Variants in EIF4E3 observed in about 807,000 individuals in gnomAD.
The protein encoded by EIF4E3 is eukaryotic translation initiation factor 4E family member 3.
Under a neutral mutation model 31.7 loss-of-function variants are expected in EIF4E3, and 26 were observed. The ratio of observed to expected loss-of-function variants is 0.82; its 90% CI spans 0.60 to 1.14. The LOEUF (loss-of-function observed/expected upper bound fraction) is 1.14, where lower values mean the gene tolerates loss of function less well. Among genes scored for constraint, EIF4E3 ranks in the 50% most tolerant of loss-of-function variants. The probability of loss-of-function intolerance (pLI) is 0.00; values close to 1 mark genes in which losing one functional copy is unlikely to be tolerated. For synonymous variants in EIF4E3, 128 were observed against 107.7 expected (o/e 1.19, Z -1.17); for missense variants, 304 against 270.9 (o/e 1.12, Z -0.86).
chr3:71,700,459 A>G (rs1182604821), intron 2 of EIF4E3, among the ~76,000 whole-genome samples: 1 of 151,958 alleles, frequency 6.6e-6, no homozygotes, highest in Non-Finnish European at 1.5e-5. Context: ...CTAAAAATAC[A>G]AAAAATTAGC....
chr3:71,712,635 T>TGGGG (rs760932981), intron 1 of EIF4E3, among the ~76,000 whole-genome samples: 30 of 59,342 alleles, frequency 5.1e-4, no homozygotes, highest in East Asian at 9.5e-4. Context: ...TTGCGGGGGG[T>TGGGG]GGGCGGGGGA....
At chr3:71,696,364 G>T in intron 4 of EIF4E3, 96 bp downstream of exon 4, 1 of 1,373,166 alleles carries the variant, frequency 7.3e-7, no homozygotes, top group Non-Finnish European at 1.0e-6. Context: ...GGGACTGCCA[G>T]GTAAATAGGC....
intron 2 of EIF4E3, among the ~76,000 whole-genome samples, chr3:71,707,006 T>TTACA (rs1343527833): frequency 6.6e-6 from 1 of 152,206 alleles, no homozygotes; most frequent in East Asian, 1.9e-4. Flanking sequence ...TTAAATATCT[T>TTACA]TACATACACC....
rs948887828 is a variant in EIF4E3, at chr3:71,677,814, C to T, written c.*6868G>A. 2.0e-5 allele frequency: 3 copies of T among 152,146 alleles called. No homozygotes were observed. The highest frequency in any genetic ancestry group is 1.3e-4 in the Admixed American group (2 of 15,262). The allele number at this position is 152,146 out of a possible 1,614,324, so 9.4% of individuals were successfully genotyped here. Reference sequence around the variant, plus strand: ...CAGCCAGAAAGGAGGAGTAAATTCACTTTACTTGCCGAAACAGGGGACAAC... The same window carrying T: ...CAGCCAGAAAGGAGGAGTAAATTCATTTTACTTGCCGAAACAGGGGACAAC... On this transcript the variant is annotated 3_prime_UTR_variant, in exon 7 of 7. Coordinates refer to ENST00000425534, the MANE Select transcript of EIF4E3 (RefSeq NM_001134651.2).
chr3:71,751,696 A>C (rs1237195904), intron 1 of EIF4E3, among the ~76,000 whole-genome samples: 3 of 152,224 alleles, frequency 2.0e-5, no homozygotes, highest in Non-Finnish European at 4.4e-5. Context: ...GTGTTTGTTT[A>C]TAATGTAGGG....
At chr3:71,663,773 T>C in the EIF4E3 span, among the ~76,000 whole-genome samples, 1 of 152,218 alleles carries the variant, frequency 6.6e-6, no homozygotes, top group Non-Finnish European at 1.5e-5. Flanking sequence ...CTTTGAACAC[T>C]TACTATGACC....
chr3:71,663,343 T>C, the EIF4E3 span, among the ~76,000 whole-genome samples: 1 of 152,206 alleles, frequency 6.6e-6, no homozygotes, highest in Non-Finnish European at 1.5e-5. Flanking sequence ...AAAGTAAATA[T>C]TTGCTTTCAG....
At chr3:71,712,852 C>CAAA (rs11403409) in intron 1 of EIF4E3, among the ~76,000 whole-genome samples, 9 of 121,190 alleles carry the variant, frequency 7.4e-5, no homozygotes, top group East Asian at 5.1e-4. Context: ...TAACCTAGAC[C>CAAA]AAAAAAAAAA....
chr3:71,698,039 C>T (rs1359700462), intron 3 of EIF4E3, among the ~76,000 whole-genome samples: 3 of 152,160 alleles, frequency 2.0e-5, no homozygotes, highest in Non-Finnish European at 4.4e-5. Flanking sequence ...CAACAGTGTA[C>T]GAGGGCTCCC....
Position 71,676,956 on chromosome 3 carries a change from A to G in EIF4E3, c.*7726T>C, listed in dbSNP as rs1477140110. 2.0e-5 allele frequency: 3 copies of G among 152,196 alleles called. No homozygotes were observed. Among genetic ancestry groups the G allele is most frequent in the African/African-American group, 7.2e-5 (3 of 41,444 alleles). The allele number at this position is 152,196 out of a possible 1,614,324, so 9.4% of individuals were successfully genotyped here. On this transcript the variant is annotated 3_prime_UTR_variant, in exon 7 of 7. Coordinates refer to ENST00000425534, the MANE Select transcript of EIF4E3 (RefSeq NM_001134651.2). The stretch of plus-strand genomic sequence containing the variant: ...CTAGGTCCATACTTTATATAATCCT[A>G]TATGTGCAAAAAACAAATGATTTAA...
chr3:71,687,039 C>T (rs376798756), intron 6 of EIF4E3, among the ~76,000 whole-genome samples: 3 of 152,204 alleles, frequency 2.0e-5, no homozygotes, highest in African/African-American at 4.8e-5. Flanking sequence ...TTTCTCTTGT[C>T]GCCCAGGCTA....
Position 71,749,327 on chromosome 3 carries a change from C to T in EIF4E3, c.-291+4136G>A, listed in dbSNP as rs563432360. On this transcript the variant is annotated intron_variant, in intron 1 of 7. Transcript: ENST00000295612. ...TGGACATGAACCAGAGTGGTCCTCA[C>T]CGCAAGGCCCACTTTCATTGTCAAA... Among the ~76,000 whole-genome samples the T allele has an allele frequency of 7.9e-5, 12 of 152,338 alleles. No individual in the cohort carries two copies. In the South Asian group the frequency reaches 1.2e-3, roughly 16 times the overall value.
intron 2 of EIF4E3, among the ~76,000 whole-genome samples, chr3:71,700,516 AG>A (rs2049200803): frequency 6.6e-6 from 1 of 151,060 alleles, no homozygotes; most frequent in Non-Finnish European, 1.5e-5. Context: ...CGGGAGGCTG[AG>A]GCAGGAGAAT....
upstream of EIF4E3, chr3:71,754,095 G>A (rs1424679165): frequency 7.3e-7 from 1 of 1,361,760 alleles, no homozygotes; most frequent in Non-Finnish European, 9.5e-7. This position sits in a 1 kb window ranked among gnomAD's most constrained non-coding sequence, Gnocchi z 5.8. Flanking sequence ...CGGCGAGGCG[G>A]CCGCCCTGGG....
At chr3:71,722,095 G>T (rs1257797116) in intron 1 of EIF4E3, among the ~76,000 whole-genome samples, 1 of 151,848 alleles carries the variant, frequency 6.6e-6, no homozygotes, top group Non-Finnish European at 1.5e-5. Flanking sequence ...CTTTTCCTCG[G>T]GGGGGCGGGG....
intron 1 of EIF4E3, among the ~76,000 whole-genome samples, chr3:71,741,756 A>G (rs1186651804): frequency 1.3e-5 from 2 of 152,226 alleles, no homozygotes; most frequent in Non-Finnish European, 2.9e-5. Flanking sequence ...ACCAAGATAG[A>G]CCATATTCTG....
Position 71,684,296 on chromosome 3 carries a change from T to C in EIF4E3, c.*386A>G, listed in dbSNP as rs531695604. On this transcript the variant is annotated 3_prime_UTR_variant, in exon 7 of 7. Coordinates refer to ENST00000425534, the MANE Select transcript of EIF4E3 (RefSeq NM_001134651.2). ...ATTATGCATATTCTCATTAACTAGG[T>C]ACAGCAGAGCTACTTAAAGGGAAAC... 2 of 198,868 alleles carry C rather than the reference T, an allele frequency of 1.0e-5. No individual in the cohort carries two copies. The highest frequency in any genetic ancestry group is 2.1e-5 in the Non-Finnish European group (2 of 95,986). The allele number at this position is 198,868 out of a possible 1,614,324, so 12.3% of individuals were successfully genotyped here.
chr3:71,731,720 C>T (rs142707795), intron 1 of EIF4E3, among the ~76,000 whole-genome samples: 175 of 152,270 alleles, frequency 1.1e-3, no homozygotes, highest in Admixed American at 2.6e-3. Flanking sequence ...TTCTCATGGA[C>T]GGCATGTTGG....
intron 2 of EIF4E3, among the ~76,000 whole-genome samples, chr3:71,706,336 C>T (rs201971490): frequency 1.3e-5 from 2 of 152,106 alleles, no homozygotes; most frequent in East Asian, 1.9e-4. Context: ...GACGGGGTAA[C>T]GATTCCTCTC....
Sources: gnomAD v4.1 joint callset for allele counts (sites outside exome capture counted in the v4.1 genomes callset) on GRCh38, gnomAD v4.1.1 for gene constraint, Gnocchi (gnomAD v3.1) non-coding constraint, MANE v1.5 for transcripts, NCBI Gene and HGNC (gene_info 2026-07-23, HGNC 2026-07-21) for gene names.